Variants in PHF24 observed in about 807,000 individuals in gnomAD.
PHF24 encodes Galpha inhibitory interacting protein.
In PHF24, 25 loss-of-function variants were observed where a neutral mutation model predicts 42.6. That is an observed-to-expected ratio of 0.59 (90% confidence interval 0.43 to 0.82). The LOEUF is 0.82. Ranked by LOEUF, PHF24 falls within the 40% of genes least tolerant of loss-of-function variation. The pLI is 0.00. For synonymous variants in PHF24, 185 were observed against 204.8 expected (o/e 0.90, Z 0.83); for missense variants, 470 against 538.1 (o/e 0.87, Z 1.25).
At chr9:34,815,197 C>T in the PHF24 span, among the ~76,000 whole-genome samples, 1 of 152,230 alleles carries the variant, frequency 6.6e-6, no homozygotes. Context: ...GGGCATTAGC[C>T]TAATTGGTTG....
At chr9:34,723,266 T>A in the PHF24 span, 1 of 1,551,710 alleles carries the variant, frequency 6.4e-7, no homozygotes, top group Non-Finnish European at 8.7e-7. Context: ...GGCACAAGCC[T>A]CTCGAGGACA....
At chr9:34,952,804 T>G (rs1366362123), upstream of PHF24, among the ~76,000 whole-genome samples, 4 of 152,196 alleles carry the variant, frequency 2.6e-5, no homozygotes, top group Non-Finnish European at 5.9e-5. Context: ...TTTGATGAAT[T>G]TGGACATATG....
At chr9:34,829,020 G>A in the PHF24 span, among the ~76,000 whole-genome samples, 10 of 152,016 alleles carry the variant, frequency 6.6e-5, no homozygotes, top group Non-Finnish European at 1.0e-4. Context: ...TAGACTGTTG[G>A]GGATATGGTG....
chr9:34,920,179 T>G, the PHF24 span, among the ~76,000 whole-genome samples: 1 of 152,184 alleles, frequency 6.6e-6, no homozygotes, highest in African/African-American at 2.4e-5. Context: ...ACCAACAGTG[T>G]AGGAGGGTTT....
chr9:34,797,483 T>A, the PHF24 span, among the ~76,000 whole-genome samples: 1 of 152,082 alleles, frequency 6.6e-6, no homozygotes, highest in Non-Finnish European at 1.5e-5. Flanking sequence ...AGGGAATGGA[T>A]TGGGAAGGTT....
chr9:34,755,695 G>A, the PHF24 span, among the ~76,000 whole-genome samples: 30 of 151,938 alleles, frequency 2.0e-4, no homozygotes, highest in African/African-American at 7.2e-4. Context: ...GCCCAAGCTG[G>A]AGTGTGGTAG....
chr9:34,674,013 C>T, the PHF24 span, among the ~76,000 whole-genome samples: 2 of 152,214 alleles, frequency 1.3e-5, no homozygotes, highest in Admixed American at 1.3e-4. Flanking sequence ...GCCTCAGCCT[C>T]CCAAAGTGCT....
At chr9:34,691,437 C>A in the PHF24 span, among the ~76,000 whole-genome samples, 1 of 152,188 alleles carries the variant, frequency 6.6e-6, no homozygotes, top group South Asian at 2.1e-4. Flanking sequence ...TTTCCTTCTG[C>A]TTTCCTTGGC....
the PHF24 span, among the ~76,000 whole-genome samples, chr9:34,814,973 T>G: frequency 1.3e-5 from 2 of 152,178 alleles, no homozygotes; most frequent in Non-Finnish European, 2.9e-5. Flanking sequence ...ACTCCCGACC[T>G]CAGGTGATCT....
chr9:34,753,100 C>T, the PHF24 span, among the ~76,000 whole-genome samples: 3 of 152,100 alleles, frequency 2.0e-5, no homozygotes, highest in South Asian at 4.1e-4. Context: ...AAACAAAAAG[C>T]CTTTCCTCTA....
the PHF24 span, among the ~76,000 whole-genome samples, chr9:34,879,471 GA>G: frequency 6.6e-6 from 1 of 152,114 alleles, no homozygotes; most frequent in African/African-American, 2.4e-5. Flanking sequence ...CTTGAAAAAA[GA>G]TTAGACGAAT....
chr9:34,938,244 A>G, the PHF24 span, among the ~76,000 whole-genome samples: 1 of 152,226 alleles, frequency 6.6e-6, no homozygotes, highest in Non-Finnish European at 1.5e-5. Context: ...GAGACTCCCC[A>G]GGCAGTGAGG....
the PHF24 span, among the ~76,000 whole-genome samples, chr9:34,695,814 G>A: frequency 6.6e-6 from 1 of 152,272 alleles, no homozygotes; most frequent in East Asian, 1.9e-4. Context: ...GGTTTTCCCT[G>A]TATCCTTGGA....
the PHF24 span, among the ~76,000 whole-genome samples, chr9:34,931,375 C>CAAAA: frequency 0.036 from 2,989 of 82,806 alleles, 132 homozygotes; most frequent in East Asian, 0.093. Flanking sequence ...GACTCTGTAT[C>CAAAA]AAAAAAAAAA....
chr9:34,806,498 A>T, the PHF24 span, among the ~76,000 whole-genome samples: 1 of 152,168 alleles, frequency 6.6e-6, no homozygotes, highest in African/African-American at 2.4e-5. Flanking sequence ...TCACTCTGTC[A>T]CCCAGGCTGG....
At chr9:34,725,799 G>A in the PHF24 span, 1 of 1,548,998 alleles carries the variant, frequency 6.5e-7, no homozygotes, top group African/African-American at 1.4e-5. Flanking sequence ...GAAGTTTTAG[G>A]GAGCAGTTGG....
the PHF24 span, chr9:34,889,697 C>A: frequency 5.0e-6 from 2 of 398,126 alleles, no homozygotes; most frequent in South Asian, 1.3e-4. Context: ...ACTCTTAGCC[C>A]TAGAAAGTGT....
the PHF24 span, among the ~76,000 whole-genome samples, chr9:34,809,705 A>T: frequency 7.2e-5 from 11 of 152,326 alleles, no homozygotes; most frequent in African/African-American, 2.6e-4. This position sits in a 1 kb window ranked among gnomAD's most constrained non-coding sequence, Gnocchi z 4.1. Flanking sequence ...GGAGCGGAAC[A>T]AAGTGTTAGC....
the PHF24 span, among the ~76,000 whole-genome samples, chr9:34,877,280 CAAA>C: frequency 1.0e-4 from 12 of 114,362 alleles, no homozygotes; most frequent in Admixed American, 9.3e-5. Context: ...GACTCTGTCT[CAAA>C]AAAAAAAAAA....
Sources: allele counts gnomAD v4.1 joint callset (sites outside exome capture counted in the v4.1 genomes callset), GRCh38; gene constraint gnomAD v4.1.1; non-coding constraint Gnocchi (gnomAD v3.1); transcripts MANE v1.5; gene names NCBI Gene and HGNC (gene_info 2026-07-23, HGNC 2026-07-21).